Variants in GLDN observed in about 807,000 individuals in gnomAD.
GLDN encodes the protein gliomedin.
Under a neutral mutation model 56.5 loss-of-function variants are expected in GLDN, and 47 were observed. The observed-to-expected ratio is 0.83, with a 90% confidence interval of 0.66 to 1.06. GLDN has a LOEUF of 1.06. Among genes scored for constraint, GLDN ranks in the 50% least tolerant of loss-of-function variants. GLDN has a pLI of 0.00. For missense variants in GLDN, 782 were observed against 714.3 expected, an observed-to-expected ratio of 1.09 and a Z score of -1.08; for synonymous variants, 332 against 278.8, an observed-to-expected ratio of 1.19 and a Z score of -1.90.
intron 5 of GLDN, among the ~76,000 whole-genome samples, 191 bp downstream of exon 5, chr15:51,395,172 C>G (rs536740218): frequency 9.0e-4 from 137 of 152,288 alleles, no homozygotes; most frequent in African/African-American, 3.2e-3. Context: ...TGTGGCAAGA[C>G]CAGATCTGGG....
chr15:51,351,097 C>A, intron 1 of GLDN: 1 of 273,460 alleles, frequency 3.7e-6, no homozygotes. Flanking sequence ...CAAAAGATGA[C>A]ACTTAAAATG....
chr15:51,377,778 C>T (rs1037047685), intron 2 of GLDN, among the ~76,000 whole-genome samples: 6 of 152,056 alleles, frequency 3.9e-5, no homozygotes, highest in Non-Finnish European at 8.8e-5. Flanking sequence ...TTTCTTATTC[C>T]CATTAGTTTT....
At chr15:51,381,132 C>T (rs2037748947) in intron 2 of GLDN, among the ~76,000 whole-genome samples, 1 of 152,184 alleles carries the variant, frequency 6.6e-6, no homozygotes, top group African/African-American at 2.4e-5. Context: ...CTAATCTAAT[C>T]ACCACAGTGA....
At chr15:51,394,472 G>T (rs1179114313) in intron 4 of GLDN, among the ~76,000 whole-genome samples, 1 of 152,186 alleles carries the variant, frequency 6.6e-6, no homozygotes, top group Non-Finnish European at 1.5e-5. Context: ...AATTAGATGG[G>T]TGTGGTGGCT....
intron 1 of GLDN, among the ~76,000 whole-genome samples, chr15:51,372,637 G>T (rs1172541551): frequency 6.6e-6 from 1 of 152,154 alleles, no homozygotes; most frequent in African/African-American, 2.4e-5. Flanking sequence ...AGCACCACCA[G>T]ATTCTCATAT....
Position 51,405,230 on chromosome 15 carries a change from CT to C in GLDN, c.*477del, listed in dbSNP as rs2038351706. On this transcript the variant is annotated 3_prime_UTR_variant, in exon 10 of 10. Transcript: ENST00000335449. ...CTTGTTCTTTGAAAAAATGCATTGA[CT>C]CTTTAAGACATCTAAAGTATCACAT... 6.2e-6 allele frequency: 1 copy of C among 160,108 alleles called. No individual in the cohort carries two copies. The highest frequency in any genetic ancestry group is 1.8e-4 in the South Asian group (1 of 5,672). The allele number at this position is 160,108 out of a possible 1,614,324, so 9.9% of individuals were successfully genotyped here.
intron 1 of GLDN, among the ~76,000 whole-genome samples, chr15:51,347,702 C>A (rs1041734895): frequency 1.3e-5 from 2 of 152,342 alleles, no homozygotes; most frequent in East Asian, 3.9e-4. Context: ...TTTGACCCAG[C>A]AATCTCACCA....
chr15:51,401,847 G>A, intron 9 of GLDN, 104 bp downstream of exon 9: 1 of 1,039,602 alleles, frequency 9.6e-7, no homozygotes, highest in East Asian at 2.6e-5. Context: ...TCATCTTTGT[G>A]TCCCTAGGGC....
At chr15:51,356,322 A>G (rs1291984404) in intron 1 of GLDN, among the ~76,000 whole-genome samples, 1 of 152,114 alleles carries the variant, frequency 6.6e-6, no homozygotes, top group Non-Finnish European at 1.5e-5. Context: ...CACCTCTGAC[A>G]AAAGGAGCCA....
At chr15:51,348,414 C>T (rs1264617293) in intron 1 of GLDN, among the ~76,000 whole-genome samples, 1 of 152,056 alleles carries the variant, frequency 6.6e-6, no homozygotes, top group East Asian at 1.9e-4. Context: ...CTTACTGCCG[C>T]CTTGACTAAT....
intron 4 of GLDN, among the ~76,000 whole-genome samples, chr15:51,390,597 G>A (rs1384559373): frequency 2.6e-5 from 4 of 152,142 alleles, no homozygotes; most frequent in African/African-American, 4.8e-5. Flanking sequence ...TCTCAGGACT[G>A]GGTTTTGTGT....
At chr15:51,361,706 G>C (rs75224194) in intron 1 of GLDN, among the ~76,000 whole-genome samples, 1 of 152,200 alleles carries the variant, frequency 6.6e-6, no homozygotes, top group African/African-American at 2.4e-5. Flanking sequence ...TGGCAGGGAG[G>C]AGACAAAAAC....
intron 1 of GLDN, 75 bp downstream of exon 1, chr15:51,342,122 C>A: frequency 6.5e-7 from 1 of 1,543,676 alleles, no homozygotes; most frequent in Non-Finnish European, 8.7e-7. Flanking sequence ...GACGCCGACG[C>A]CCTCTTCTCC....
intron 2 of GLDN, among the ~76,000 whole-genome samples, chr15:51,382,685 C>A (rs1484955994): frequency 6.7e-6 from 1 of 149,128 alleles, no homozygotes; most frequent in Non-Finnish European, 1.5e-5. Flanking sequence ...GAGATGGTGC[C>A]ACTGCACTCC....
intron 1 of GLDN, among the ~76,000 whole-genome samples, chr15:51,350,476 C>T (rs954367465): frequency 1.3e-5 from 2 of 152,162 alleles, no homozygotes; most frequent in East Asian, 1.9e-4. Context: ...CTCACTGCAG[C>T]GTGTGCACAC....
At chr15:51,374,588 T>C (rs1006253333) in intron 1 of GLDN, among the ~76,000 whole-genome samples, 7 of 152,152 alleles carry the variant, frequency 4.6e-5, no homozygotes. Context: ...AATGGATAAG[T>C]GTACTCCAAC....
intron 1 of GLDN, among the ~76,000 whole-genome samples, chr15:51,343,356 G>A (rs892127608): frequency 2.6e-5 from 4 of 151,920 alleles, no homozygotes; most frequent in Non-Finnish European, 5.9e-5. Flanking sequence ...GCTATAAGAT[G>A]AAAAAAACCT....
intron 1 of GLDN, among the ~76,000 whole-genome samples, chr15:51,375,521 A>C (rs1053777353): frequency 2.6e-5 from 4 of 152,244 alleles, no homozygotes; most frequent in Non-Finnish European, 5.9e-5. Context: ...TGAATTTAGC[A>C]CAGTCAGATT....
intron 4 of GLDN, among the ~76,000 whole-genome samples, chr15:51,387,076 G>A (rs1229709411): frequency 6.6e-6 from 1 of 152,126 alleles, no homozygotes; most frequent in African/African-American, 2.4e-5. Flanking sequence ...AAGTCACTTA[G>A]GGAGAGAGCT....
Sources: allele counts gnomAD v4.1 joint callset (sites outside exome capture counted in the v4.1 genomes callset), GRCh38; gene constraint gnomAD v4.1.1; transcripts MANE v1.5; gene names NCBI Gene and HGNC (gene_info 2026-07-23, HGNC 2026-07-21).